The following ARL9 variants were observed in gnomAD, a reference collection of about 807,000 sequenced individuals.
The protein encoded by ARL9 is ADP-ribosylation factor-like protein 9.
A neutral mutation model predicts 27.0 loss-of-function variants in ARL9; 14 were observed. The ratio of observed to expected loss-of-function variants is 0.52; its 90% CI spans 0.34 to 0.81. ARL9 has a LOEUF of 0.81. ARL9 is among the 30% of genes least tolerant of loss of function. The probability of loss-of-function intolerance (pLI) is 0.01; values close to 1 mark genes in which losing one functional copy is unlikely to be tolerated. For synonymous variants in ARL9, 106 were observed against 108.7 expected, an observed-to-expected ratio of 0.98 and a Z score of 0.15; for missense variants, 294 against 290.0, an observed-to-expected ratio of 1.01 and a Z score of -0.10.
Position 56,518,750 on chromosome 4 carries a change from T to G in ARL9, c.515T>G (p.Val172Gly). 3 of 1,613,994 alleles carry G rather than the reference T, an allele frequency of 1.9e-6. No homozygotes were observed. Residue 172 changes from valine to glycine, a missense_variant, in exon 3 of 4, where the codon GTG (valine) becomes GGG (glycine). Physicochemically the swap from Val to Gly is moderately radical, Grantham distance 109. Coordinates refer to ENST00000640821, the MANE Select transcript of ARL9 (RefSeq NM_001363794.2). ...AAGGGATTGCTGCTGATCTTTGTGG[T>G]GGATTCAGCAGATCACAGCCGATTA... is the stretch of plus-strand genomic sequence containing the variant. ...LSKGLLLIFV[V>G]DSADHSRLPE...
chr4:56,506,583 G>C, intron 1 of ARL9: 1 of 981,530 alleles, frequency 1.0e-6, no homozygotes, highest in Non-Finnish European at 1.2e-6. Context: ...GTTCCTGAAC[G>C]CAGGAGGTGT....
At position 56,505,845 on chromosome 4, in the gene ARL9, G is replaced by A; in HGVS notation, c.-18G>A. The A allele has an allele frequency of 7.8e-7, 1 of 1,277,848 alleles. No homozygotes were observed. The highest frequency in any genetic ancestry group is 9.9e-7 in the Non-Finnish European group (1 of 1,014,618). 79.2% of individuals were successfully genotyped at this position (1,277,848 alleles called of 1,614,324 possible). A position where few individuals can be genotyped will look rare whatever the true frequency, so the allele number is the denominator to read the frequency against. ...ACGCGGGCACGCGGCGGGAGGGAAG[G>A]AAACCGCGGCGCTGGGGATGGAGAG... On this transcript the variant is annotated 5_prime_UTR_variant, in exon 1 of 4. Coordinates refer to ENST00000640821, the MANE Select transcript of ARL9 (RefSeq NM_001363794.2).
At chr4:56,512,481 T>C (rs1281505020) in intron 2 of ARL9, among the ~76,000 whole-genome samples, 1 of 152,026 alleles carries the variant, frequency 6.6e-6, no homozygotes, top group Non-Finnish European at 1.5e-5. Flanking sequence ...CTTCCCTTGA[T>C]GGCTTGCTCC....
chr4:56,513,187 C>T (rs1360996918), intron 2 of ARL9, among the ~76,000 whole-genome samples: 3 of 152,132 alleles, frequency 2.0e-5, no homozygotes, highest in Non-Finnish European at 2.9e-5. Context: ...TGCCACAGGG[C>T]AGAGCTTCTA....
At chr4:56,518,089 C>T (rs954586124) in intron 2 of ARL9, among the ~76,000 whole-genome samples, 1 of 152,080 alleles carries the variant, frequency 6.6e-6, no homozygotes, top group African/African-American at 2.4e-5. Context: ...GTTCACACCA[C>T]TGCACTTCCT....
intron 2 of ARL9, among the ~76,000 whole-genome samples, chr4:56,516,695 C>G (rs1721776650): frequency 6.6e-6 from 1 of 151,936 alleles, no homozygotes. Context: ...CTTTGGGAAG[C>G]CAAGGTGGGT....
chr4:56,510,775 T>G (rs1218519545), intron 1 of ARL9, among the ~76,000 whole-genome samples: 1 of 46,802 alleles, frequency 2.1e-5, no homozygotes, highest in South Asian at 6.1e-4. Context: ...GTTTTATCCC[T>G]TTTTTTTTTT....
intron 2 of ARL9, among the ~76,000 whole-genome samples, chr4:56,517,005 T>C (rs1578212743): frequency 1.3e-5 from 2 of 152,096 alleles, no homozygotes; most frequent in Non-Finnish European, 2.9e-5. Flanking sequence ...GTTGGCAGAG[T>C]GTGTATTGGT....
At chr4:56,510,125 C>T (rs1721592463) in intron 1 of ARL9, among the ~76,000 whole-genome samples, 1 of 151,430 alleles carries the variant, frequency 6.6e-6, no homozygotes, top group Non-Finnish European at 1.5e-5. Context: ...TTTGGGAGGC[C>T]AAGGTGGGCA....
intron 1 of ARL9, among the ~76,000 whole-genome samples, chr4:56,509,796 C>T (rs1420527513): frequency 6.6e-6 from 1 of 151,266 alleles, no homozygotes; most frequent in East Asian, 2.0e-4. Context: ...CAACCTCCAC[C>T]TCCTGGGTTC....
chr4:56,514,343 A>C (rs1721718755), intron 2 of ARL9, among the ~76,000 whole-genome samples: 2 of 152,216 alleles, frequency 1.3e-5, no homozygotes, highest in Non-Finnish European at 2.9e-5. Context: ...GGAGATAATA[A>C]AGACACGAAG....
chr4:56,523,723 A>G lies in ARL9; in HGVS notation c.645A>G (p.Thr215=). Reference sequence around the variant, plus strand: ...ATCTTGAAGCAGCCTATCACATTACAGATATCCATGAAGCTTTGGCATTAT... The same window carrying G: ...ATCTTGAAGCAGCCTATCACATTACGGATATCCATGAAGCTTTGGCATTAT... ...KQDLEAAYHI[T]DIHEALALSE... The change falls in exon 4 of 4, where the codon ACA becomes ACG. Residue 215 remains threonine, a synonymous_variant. Coordinates refer to ENST00000640821, the MANE Select transcript of ARL9 (RefSeq NM_001363794.2). The G allele has an allele frequency of 6.2e-7, 1 of 1,613,876 alleles. No individual in the cohort carries two copies. The highest frequency in any genetic ancestry group is 8.5e-7 in the Non-Finnish European group (1 of 1,179,810).
At position 56,506,057 on chromosome 4, in the gene ARL9, CAA is replaced by C. The variant is rs150827751; in HGVS notation, c.197_198del (p.Lys66ArgfsTer6). 0.013 allele frequency: 16,410 copies of C among 1,233,406 alleles called. 160 individuals carry two copies. Among genetic ancestry groups the C allele is most frequent in the Admixed American group, 0.053 (1,285 of 24,252 alleles). 76.4% of individuals were successfully genotyped at this position (1,233,406 alleles called of 1,614,324 possible). A position where few individuals can be genotyped will look rare whatever the true frequency, so the allele number is the denominator to read the frequency against. ...KRTKQGKETNKEKEQFKGQEE... is the reference protein window; with the variant it reads ...KRTKQGKETNXEKEQFKGQEE... ...GGACAAAGCAAGGGAAGGAGACAAA[CAA>C]AGAGAAGGAACAATTTAAGGGACAA... On this transcript the variant is annotated frameshift_variant, in exon 1 of 4. Coordinates refer to ENST00000640821, the MANE Select transcript of ARL9 (RefSeq NM_001363794.2). LOFTEE classifies it high-confidence loss of function.
intron 2 of ARL9, among the ~76,000 whole-genome samples, chr4:56,515,067 A>G (rs900227926): frequency 1.3e-5 from 2 of 152,118 alleles, no homozygotes; most frequent in African/African-American, 2.4e-5. Flanking sequence ...AACCTGGCCC[A>G]ACATGGTGAA....
intron 2 of ARL9, among the ~76,000 whole-genome samples, chr4:56,516,602 A>G (rs1258196090): frequency 6.8e-6 from 1 of 147,978 alleles, no homozygotes; most frequent in Non-Finnish European, 1.5e-5. Flanking sequence ...AAAAAAAAAA[A>G]GAAAAAGAAA....
upstream of ARL9, chr4:56,505,568 C>A (rs1160671313): frequency 1.7e-5 from 10 of 586,306 alleles, no homozygotes; most frequent in East Asian, 2.8e-4. Flanking sequence ...AACTGTCCCA[C>A]GTCCTGGTTG....
chr4:56,505,883 G>A lies in ARL9; in HGVS notation c.21G>A (p.Lys7=). 1 of 1,260,824 alleles carries A rather than the reference G, an allele frequency of 7.9e-7. No homozygotes were observed. The highest frequency in any genetic ancestry group is 3.3e-5 in the South Asian group (1 of 29,854). 78.1% of individuals were successfully genotyped at this position (1,260,824 alleles called of 1,614,324 possible). A position where few individuals can be genotyped will look rare whatever the true frequency, so the allele number is the denominator to read the frequency against. The change falls in exon 1 of 4, where the codon AAG becomes AAA. Residue 7 remains lysine (K), a synonymous_variant. Transcript: ENST00000640821. ...TGGGGATGGAGAGGGGGAAAGTGAA[G>A]AAGAAAGAGAAGGAAAAGGAGACGC... The part of the protein sequence containing the change: MERGKV[K]KKEKEKETQE...
At chr4:56,515,747 CA>C (rs1289299100) in intron 2 of ARL9, among the ~76,000 whole-genome samples, 1 of 151,696 alleles carries the variant, frequency 6.6e-6, no homozygotes, top group Non-Finnish European at 1.5e-5. Flanking sequence ...ATAAATCAAA[CA>C]AAAAAAGTGT....
At chr4:56,520,082 A>G (rs138797102) in intron 3 of ARL9, among the ~76,000 whole-genome samples, 453 of 151,818 alleles carry the variant, frequency 3.0e-3, no homozygotes, top group African/African-American at 0.01. Context: ...GGCTAACCAC[A>G]ACCTCCGCCT....
Sources: allele counts gnomAD v4.1 joint callset (sites outside exome capture counted in the v4.1 genomes callset), GRCh38; gene constraint gnomAD v4.1.1; transcripts MANE v1.5; gene names NCBI Gene and HGNC (gene_info 2026-07-23, HGNC 2026-07-21).